Variants in FBXO34 observed in about 807,000 individuals in gnomAD.
The protein encoded by FBXO34 is F-box protein 34, also known as F-box only protein 34.
FBXO34 carries 12 observed loss-of-function variants against 24.5 expected under a neutral mutation model. That is an observed-to-expected ratio of 0.49 (90% confidence interval 0.31 to 0.79). The LOEUF is 0.79. Ranked by LOEUF, FBXO34 falls within the 30% of genes least tolerant of loss-of-function variation. The pLI is 0.04. For missense variants in FBXO34, 823 were observed against 857.7 expected, an observed-to-expected ratio of 0.96 and a Z score of 0.51; for synonymous variants, 320 against 311.9, an observed-to-expected ratio of 1.03 and a Z score of -0.27.
At chr14:55,433,819 G>A in the FBXO34 span, 680 of 1,051,250 alleles carry the variant, frequency 6.5e-4, 6 homozygotes, top group South Asian at 0.011. Flanking sequence ...AAACAGATTG[G>A]ATGGGAAAAC....
the FBXO34 span, among the ~76,000 whole-genome samples, chr14:55,437,763 T>A: frequency 1.3e-5 from 2 of 152,204 alleles, no homozygotes; most frequent in Non-Finnish European, 2.9e-5. Context: ...ATAGAATAAA[T>A]GAAGGAAGTT....
intron 1 of FBXO34, among the ~76,000 whole-genome samples, chr14:55,324,986 C>G (rs1883292667): frequency 6.6e-6 from 1 of 152,174 alleles, no homozygotes; most frequent in East Asian, 1.9e-4. Context: ...CTCTCTGGGT[C>G]TCATAAGGGC....
the FBXO34 span, chr14:55,385,710 ACT>A: frequency 1.3e-6 from 1 of 755,962 alleles, no homozygotes; most frequent in Non-Finnish European, 2.1e-6. Flanking sequence ...TGCGGTGCGT[ACT>A]GTTTGTTGAA....
At chr14:55,396,852 C>CCA in the FBXO34 span, among the ~76,000 whole-genome samples, 1 of 151,858 alleles carries the variant, frequency 6.6e-6, no homozygotes, top group Non-Finnish European at 1.5e-5. Flanking sequence ...CATTCCCCCC[C>CCA]ACAAAAAAAA....
chr14:55,368,617 C>CA (rs1260896579), downstream of FBXO34: 1 of 152,204 alleles, frequency 6.6e-6, no homozygotes, highest in Middle Eastern at 3.2e-3. Flanking sequence ...GCTGTGTCCT[C>CA]AGAGCAACAA....
At chr14:55,403,735 T>G in the FBXO34 span, among the ~76,000 whole-genome samples, 1 of 152,186 alleles carries the variant, frequency 6.6e-6, no homozygotes, top group Non-Finnish European at 1.5e-5. Context: ...GATCCCACTT[T>G]GGCAGAGAAT....
intron 1 of FBXO34, among the ~76,000 whole-genome samples, chr14:55,279,457 A>G (rs535090367): frequency 1.1e-4 from 17 of 152,300 alleles, no homozygotes; most frequent in African/African-American, 3.4e-4. Context: ...ATATAATACT[A>G]TTGTGGTGTT....
rs905205431 is a variant in FBXO34, at chr14:55,353,268, A to G, written c.*742A>G. 2.1e-5 allele frequency: 3 copies of G among 141,074 alleles called. No individual in the cohort carries two copies. Among genetic ancestry groups the G allele is most frequent in the African/African-American group, 9.0e-5 (3 of 33,332 alleles). The allele number at this position is 141,074 out of a possible 1,614,324, so 8.7% of individuals were successfully genotyped here. ...GCAGCTAGGATAGTGTTGCGGCTAT[A>G]ATTTTGTGTTTTTTTTTTTTAATTG... On this transcript the variant is annotated 3_prime_UTR_variant, in exon 2 of 2. Transcript: ENST00000313833.
the FBXO34 span, chr14:55,395,244 G>A: frequency 8.4e-6 from 3 of 357,572 alleles, no homozygotes; most frequent in South Asian, 4.9e-5. Flanking sequence ...CCTGGCTGCA[G>A]GGAAGGCGTG....
intron 1 of FBXO34, chr14:55,298,937 C>G (rs891386415): frequency 6.3e-7 from 1 of 1,578,606 alleles, no homozygotes; most frequent in Non-Finnish European, 8.7e-7. Context: ...AGAACATGGG[C>G]TCTGCAGCCA....
In FBXO34 at chr14:55,351,739, G is replaced by T; in HGVS notation, c.1349G>T (p.Arg450Ile). The change falls in exon 2 of 2, where the codon AGA becomes ATA. Residue 450 changes from arginine to isoleucine, a missense_variant. By Grantham distance (97) the Arg-to-Ile change is moderately conservative. Around this residue, in one of 2 missense-constraint regions of FBXO34, gnomAD observed 693 missense variants for 659.1 expected, o/e 1.05. Coordinates refer to ENST00000313833, the MANE Select transcript of FBXO34 (RefSeq NM_017943.4). ...CTTACTAGCCGAAATCCTGATCAAA[G>T]AAAAGAATCTTTGTGCATTAGTATC... The part of the protein sequence containing the change: ...VSLTSRNPDQ[R>I]KESLCISITV... 6.2e-7 allele frequency: 1 copy of T among 1,614,194 alleles called. No homozygotes were observed. The highest frequency in any genetic ancestry group is 8.5e-7 in the Non-Finnish European group (1 of 1,180,044).
chr14:55,339,387 C>CCCCA (rs1555339089), intron 1 of FBXO34: 2 of 145,782 alleles, frequency 1.4e-5, no homozygotes, highest in Non-Finnish European at 3.0e-5. Flanking sequence ...TGCCCCCCCC[C>CCCCA]CCAATCCTGG....
At chr14:55,390,779 C>T in the FBXO34 span, 4 of 644,396 alleles carry the variant, frequency 6.2e-6, no homozygotes, top group East Asian at 3.1e-5. Context: ...AAGATGAGGG[C>T]GAGTAGTAAA....
chr14:55,356,008 T>G (rs1488848070), downstream of FBXO34, among the ~76,000 whole-genome samples: 2 of 152,178 alleles, frequency 1.3e-5, no homozygotes, highest in Non-Finnish European at 2.9e-5. Context: ...TACCTCTCAT[T>G]GTGCATCTGG....
At chr14:55,393,690 A>G in the FBXO34 span, among the ~76,000 whole-genome samples, 1 of 151,774 alleles carries the variant, frequency 6.6e-6, no homozygotes, top group Non-Finnish European at 1.5e-5. Flanking sequence ...GACTACAGGT[A>G]TATACTACCA....
chr14:55,381,190 C>G, the FBXO34 span, among the ~76,000 whole-genome samples: 4 of 152,128 alleles, frequency 2.6e-5, no homozygotes, highest in Admixed American at 6.5e-5. Flanking sequence ...AGGGCCACCT[C>G]TGTCTTGGTC....
chr14:55,381,922 C>A, the FBXO34 span: 1 of 1,544,712 alleles, frequency 6.5e-7, no homozygotes, highest in South Asian at 1.1e-5. Context: ...ACCTATAACT[C>A]TCTCTATATA....
intron 1 of FBXO34, among the ~76,000 whole-genome samples, chr14:55,293,711 T>C (rs1387079278): frequency 6.6e-6 from 1 of 152,182 alleles, no homozygotes; most frequent in Non-Finnish European, 1.5e-5. Context: ...AAGGTTCCTG[T>C]GACAGAATAG....
chr14:55,344,573 T>TC (rs1272199417), intron 1 of FBXO34, among the ~76,000 whole-genome samples: 2 of 151,706 alleles, frequency 1.3e-5, no homozygotes, highest in Non-Finnish European at 2.9e-5. Context: ...TACTTTAAGT[T>TC]CTGGGATACA....
Sources: allele counts gnomAD v4.1 joint callset (sites outside exome capture counted in the v4.1 genomes callset), GRCh38; gene constraint gnomAD v4.1.1; regional missense constraint gnomAD v4.1.1; transcripts MANE v1.5; gene names NCBI Gene and HGNC (gene_info 2026-07-23, HGNC 2026-07-21).